Variants in HDGFL3 observed in about 807,000 individuals in gnomAD.
HDGFL3 encodes the protein hepatoma-derived growth factor-related protein 3.
In HDGFL3, 6 loss-of-function variants were observed where a neutral mutation model predicts 27.6. The ratio of observed to expected loss-of-function variants is 0.22; its 90% CI spans 0.12 to 0.43. The LOEUF is 0.43. HDGFL3 is among the 20% of genes least tolerant of loss of function. The pLI is 1.00. For missense variants in HDGFL3, 207 were observed against 250.1 expected, an observed-to-expected ratio of 0.83 and a Z score of 1.16; for synonymous variants, 88 against 88.9, an observed-to-expected ratio of 0.99 and a Z score of 0.05.
intron 4 of HDGFL3, among the ~76,000 whole-genome samples, chr15:83,152,944 C>T (rs1184324377): frequency 1.3e-5 from 2 of 149,634 alleles, no homozygotes; most frequent in African/African-American, 4.9e-5. Context: ...AATGTAGCAA[C>T]TGCTTTATAT....
At chr15:83,203,678 C>T (rs1596572618) in intron 1 of HDGFL3, among the ~76,000 whole-genome samples, 1 of 151,146 alleles carries the variant, frequency 6.6e-6, no homozygotes, top group Admixed American at 6.6e-5. Context: ...AAAATTAAGA[C>T]TTTAAAAAAT....
intron 5 of HDGFL3, among the ~76,000 whole-genome samples, chr15:83,143,902 T>G (rs1269495111): frequency 6.6e-5 from 10 of 152,178 alleles, no homozygotes; most frequent in Non-Finnish European, 1.2e-4. Flanking sequence ...CTTGTGTTTT[T>G]TTTGTTTGTT....
rs919582357 is a variant in HDGFL3, at chr15:83,133,575, T to C, written c.*5695A>G. 6 of 152,196 alleles carry C rather than the reference T, an allele frequency of 3.9e-5. No individual in the cohort carries two copies. The highest frequency in any genetic ancestry group is 7.2e-5 in the African/African-American group (3 of 41,444). The allele number at this position is 152,196 out of a possible 1,614,324, so 9.4% of individuals were successfully genotyped here. On this transcript the variant is annotated 3_prime_UTR_variant, in exon 6 of 6. Transcript: ENST00000299633. Reference sequence around the variant, plus strand: ...AAATTATTAGGGACTCAACCTCACATTGCTAAATTCTGGAGAAATTTCTAG... The same window carrying C: ...AAATTATTAGGGACTCAACCTCACACTGCTAAATTCTGGAGAAATTTCTAG...
intron 2 of HDGFL3, among the ~76,000 whole-genome samples, chr15:83,161,331 G>A (rs996312516): frequency 6.6e-6 from 1 of 152,112 alleles, no homozygotes; most frequent in Non-Finnish European, 1.5e-5. Flanking sequence ...CCTGGCTAAT[G>A]TTATTTTTTT....
intron 1 of HDGFL3, among the ~76,000 whole-genome samples, chr15:83,199,254 T>C (rs1049698293): frequency 2.6e-5 from 4 of 152,184 alleles, no homozygotes; most frequent in Admixed American, 1.3e-4. Flanking sequence ...TGAGAATTTA[T>C]ACTACTACTC....
chr15:83,122,761 G>A (rs2035389081), downstream of HDGFL3: 1 of 1,613,704 alleles, frequency 6.2e-7, no homozygotes, highest in Non-Finnish European at 8.5e-7. Context: ...AAATAGGGAA[G>A]TATGGAACAC....
intron 4 of HDGFL3, among the ~76,000 whole-genome samples, chr15:83,152,908 C>A (rs900596390): frequency 6.6e-6 from 1 of 150,804 alleles, no homozygotes; most frequent in Non-Finnish European, 1.5e-5. Flanking sequence ...AAGTGAAACA[C>A]TTTCTCTTTA....
downstream of HDGFL3, among the ~76,000 whole-genome samples, chr15:83,124,220 T>C (rs1420253535): frequency 2.6e-5 from 4 of 152,176 alleles, no homozygotes; most frequent in Admixed American, 2.6e-4. Flanking sequence ...ATTGTTTATA[T>C]ACAGGAATAA....
At chr15:83,112,928 G>A (rs1232734571) in exon 4 of HDGFL3, 2 of 1,518,300 alleles carry the variant, frequency 1.3e-6, no homozygotes, top group East Asian at 2.2e-5. Flanking sequence ...GAAATCTTTT[G>A]TATCTGATTA....
chr15:83,121,830 T>C (rs950514559), intron 3 of HDGFL3: 1 of 937,206 alleles, frequency 1.1e-6, no homozygotes, highest in Non-Finnish European at 1.7e-6. Flanking sequence ...CTTTACTAGT[T>C]TGAATACAAA....
At position 83,144,469 on chromosome 15, in the gene HDGFL3, T is replaced by A. The variant is rs1462706259; in HGVS notation, c.607-5194A>T. The A allele has an allele frequency of 1.8e-5, 8 of 455,968 alleles. No individual in the cohort carries two copies. In the Admixed American group the frequency reaches 1.9e-4, roughly 11 times the overall value. 28.2% of individuals were successfully genotyped at this position (455,968 alleles called of 1,614,324 possible). ...GAGATTAGGTTACAAAAGACTGACT[T>A]CTGTTTGCCAGCACTCTCTCTTACT... On this transcript the variant is annotated intron_variant, in intron 5 of 5. Coordinates refer to ENST00000299633, the MANE Select transcript of HDGFL3 (RefSeq NM_016073.4).
chr15:83,202,226 T>C (rs2037656198), intron 1 of HDGFL3, among the ~76,000 whole-genome samples: 1 of 152,162 alleles, frequency 6.6e-6, no homozygotes, highest in South Asian at 2.1e-4. Flanking sequence ...ATGAAAAAAC[T>C]ATACCCCTGT....
chr15:83,138,127 C>A lies in HDGFL3; in HGVS notation c.*1143G>T, dbSNP rs1016330780. On this transcript the variant is annotated 3_prime_UTR_variant, in exon 6 of 6. Coordinates refer to ENST00000299633, the MANE Select transcript of HDGFL3 (RefSeq NM_016073.4). Reference sequence around the variant, plus strand: ...AATACCTCACGTTACATATATGAAGCCAAATTACACTAACTTAGTTTGCTT... The same window carrying A: ...AATACCTCACGTTACATATATGAAGACAAATTACACTAACTTAGTTTGCTT... 1 of 152,518 alleles carries A rather than the reference C, an allele frequency of 6.6e-6. No homozygotes were observed. The highest frequency in any genetic ancestry group is 2.4e-5 in the African/African-American group (1 of 41,416). The allele number at this position is 152,518 out of a possible 1,614,324, so 9.4% of individuals were successfully genotyped here. A position where few individuals can be genotyped will look rare whatever the true frequency, so the allele number is the denominator to read the frequency against.
intron 1 of HDGFL3, among the ~76,000 whole-genome samples, chr15:83,206,216 T>C (rs2037712754): frequency 6.6e-6 from 1 of 152,178 alleles, no homozygotes; most frequent in Non-Finnish European, 1.5e-5. Context: ...CTTTTGTGAA[T>C]GGGTGTATTT....
intron 1 of HDGFL3, among the ~76,000 whole-genome samples, chr15:83,198,603 G>T (rs1235172425): frequency 6.6e-6 from 1 of 152,168 alleles, no homozygotes; most frequent in Non-Finnish European, 1.5e-5. Flanking sequence ...TCATGGTTCT[G>T]CAGGCTGGAA....
intron 5 of HDGFL3, among the ~76,000 whole-genome samples, 176 bp downstream of exon 5, chr15:83,151,039 T>C (rs775424909): frequency 4.6e-5 from 7 of 152,180 alleles, no homozygotes; most frequent in Non-Finnish European, 8.8e-5. Flanking sequence ...ACTTGGCTCT[T>C]TTGTTCAGAC....
chr15:83,119,575 T>C, intron 3 of HDGFL3: 2 of 1,613,988 alleles, frequency 1.2e-6, no homozygotes, highest in Non-Finnish European at 1.7e-6. Flanking sequence ...ATGCTTTCTT[T>C]AGGGTGAACC....
At position 83,207,031 on chromosome 15, in the gene HDGFL3, G is replaced by C. The variant is rs2037726639; in HGVS notation, c.84+300C>G. 1.3e-5 allele frequency among the ~76,000 whole-genome samples: 2 copies of C among 152,214 alleles called. No homozygotes were observed. Among genetic ancestry groups the C allele is most frequent in the African/African-American group, 4.8e-5 (2 of 41,462 alleles). ...CTCCGTCGCAGGCCCGCTGCCCGGC[G>C]GCGTGGCTTCCCGGTCGGCACCGGC... On this transcript the variant is annotated intron_variant, in intron 1 of 5. Transcript: ENST00000299633. The surrounding 1 kb of genome is among the most constrained non-coding windows in gnomAD (Gnocchi z 4.8).
At chr15:83,120,168 T>G (rs946875022) in intron 3 of HDGFL3, 2 of 161,694 alleles carry the variant, frequency 1.2e-5, no homozygotes, top group Non-Finnish European at 2.7e-5. Context: ...GTACAAGGGA[T>G]TAAAGGAACA....
Sources: allele counts gnomAD v4.1 joint callset (sites outside exome capture counted in the v4.1 genomes callset), GRCh38; gene constraint gnomAD v4.1.1; non-coding constraint Gnocchi (gnomAD v3.1); transcripts MANE v1.5; gene names NCBI Gene and HGNC (gene_info 2026-07-23, HGNC 2026-07-21).